Variants in GPR153 observed in about 807,000 individuals in gnomAD.
GPR153 encodes G protein-coupled receptor 153.
A neutral mutation model predicts 34.1 loss-of-function variants in GPR153; 27 were observed. The ratio of observed to expected loss-of-function variants is 0.79; its 90% CI spans 0.58 to 1.09. The LOEUF is 1.09. GPR153 is among the 50% of genes least tolerant of loss of function. The probability of loss-of-function intolerance (pLI) is 0.00; values close to 1 mark genes in which losing one functional copy is unlikely to be tolerated. For synonymous variants in GPR153, 408 were observed against 405.4 expected (o/e 1.01, Z -0.08); for missense variants, 848 against 860.2 (o/e 0.99, Z 0.18).
At position 6,249,509 on chromosome 1, in the gene GPR153, AGAGGGGCGTGGCCCT is replaced by A; in HGVS notation, c.1644_1658del (p.Gly549_Ser553del). 8.0e-7 allele frequency: 1 copy of A among 1,247,826 alleles called. No homozygotes were observed. Among genetic ancestry groups the A allele is most frequent in the South Asian group, 3.2e-5 (1 of 31,136 alleles). The allele number at this position is 1,247,826 out of a possible 1,614,324, so 77.3% of individuals were successfully genotyped here. A position where few individuals can be genotyped will look rare whatever the true frequency, so the allele number is the denominator to read the frequency against. ...GCAGAGAGCCGGCGTGCGAGTGCGC[AGAGGGGCGTGGCCCT>A]GGGCTCCGCTGGGCGCTGCTTGGGG... On this transcript the variant is annotated inframe_deletion, in exon 6 of 6. Transcript: ENST00000377893. This position sits in a 1 kb window ranked among gnomAD's most constrained non-coding sequence, Gnocchi z 4.3.
In GPR153 at chr1:6,251,406, C is replaced by G. The variant is rs199510270; in HGVS notation, c.911G>C (p.Arg304Pro). 3.1e-6 allele frequency: 5 copies of G among 1,613,564 alleles called. No individual in the cohort carries two copies. In the East Asian group the frequency reaches 1.1e-4, roughly 36 times the overall value. The change falls in exon 4 of 6, where the codon CGG (arginine) becomes CCG (proline). Residue 304 changes from arginine (R) to proline (P), a missense_variant. Transcript: ENST00000377893. The surrounding 1 kb of genome is among the most constrained non-coding windows in gnomAD (Gnocchi z 4.9). The stretch of plus-strand genomic sequence containing the variant: ...CTCCCGGACAGCTTTGAGGTCAGCC[C>G]GGTAGCGGTCGCAGGCCCAGAGGAA... The part of the protein sequence containing the change: ...PVFLWACDRY[R>P]ADLKAVREKC...
chr1:6,258,541 G>A (rs1638610141), intron 1 of GPR153, among the ~76,000 whole-genome samples: 1 of 152,232 alleles, frequency 6.6e-6, no homozygotes, highest in Non-Finnish European at 1.5e-5. Flanking sequence ...GTAGCCTCAG[G>A]AGTGAGGGGA....
chr1:6,254,788 T>C lies in GPR153; in HGVS notation c.118A>G (p.Lys40Glu). Residue 40 changes from lysine to glutamate, a missense_variant, in exon 2 of 6, where the codon AAG (lysine) becomes GAG (glutamate). Coordinates refer to ENST00000377893, the MANE Select transcript of GPR153 (RefSeq NM_207370.4). ...LSVGAKQKKW[K>E]PLEFLLCTLA... ...GTACACAGCAGGAACTCCAAGGGCT[T>C]CCACTTCTTCTGCTTGGCGCCAACG... The C allele has an allele frequency of 6.2e-7, 1 of 1,613,614 alleles. No individual in the cohort carries two copies. Among genetic ancestry groups the C allele is most frequent in the East Asian group, 2.2e-5 (1 of 44,862 alleles).
At position 6,251,060 on chromosome 1, in the gene GPR153, G is replaced by A. The variant is rs1181397193; in HGVS notation, c.979+278C>T. ...GTTGGGGGGTGAGCCCAGGAGCTCC[G>A]CTGGAGCACTTGCAGACATGTCTAC... On this transcript the variant is annotated intron_variant, in intron 4 of 5. Transcript: ENST00000377893. This position sits in a 1 kb window ranked among gnomAD's most constrained non-coding sequence, Gnocchi z 4.9. 1.3e-5 allele frequency among the ~76,000 whole-genome samples: 2 copies of A among 152,146 alleles called. No individual in the cohort carries two copies. Among genetic ancestry groups the A allele is most frequent in the East Asian group, 1.9e-4 (1 of 5,192 alleles).
At chr1:6,257,934 C>T (rs2100993598) in intron 1 of GPR153, among the ~76,000 whole-genome samples, 1 of 152,338 alleles carries the variant, frequency 6.6e-6, no homozygotes, top group South Asian at 2.1e-4. Flanking sequence ...ACCCAGGGGC[C>T]ATTTAGCCTC....
Position 6,249,792 on chromosome 1 carries a change from C to T in GPR153, c.1376G>A (p.Ser459Asn). 8.5e-7 allele frequency: 1 copy of T among 1,178,924 alleles called. No homozygotes were observed. The highest frequency in any genetic ancestry group is 1.0e-6 in the Non-Finnish European group (1 of 955,476). The allele number at this position is 1,178,924 out of a possible 1,614,324, so 73.0% of individuals were successfully genotyped here. A position where few individuals can be genotyped will look rare whatever the true frequency, so the allele number is the denominator to read the frequency against. Residue 459 changes from serine (S) to asparagine (N), a missense_variant, in exon 6 of 6, where the codon AGC (serine) becomes AAC (asparagine). Transcript: ENST00000377893. This position sits in a 1 kb window ranked among gnomAD's most constrained non-coding sequence, Gnocchi z 4.3. ...GGCCGAGGGCCGCAGCGACAGCAGG[C>T]TCTCGGCCGAGCGGCGGCGCGCGCG... ...PSRARRRSAE[S>N]LLSLRPSALD...
chr1:6,250,290 G>A (rs929304271), intron 5 of GPR153, 150 bp downstream of exon 5: 1 of 1,437,560 alleles, frequency 7.0e-7, no homozygotes, highest in Non-Finnish European at 9.1e-7. Context: ...CACACAAGCT[G>A]TGTGACCTTT....
chr1:6,251,631 G>A lies in GPR153; in HGVS notation c.787-101C>T, dbSNP rs2100986617. 7.8e-7 allele frequency: 1 copy of A among 1,274,530 alleles called. No individual in the cohort carries two copies. The highest frequency in any genetic ancestry group is 2.6e-5 in the East Asian group (1 of 38,482). 79.0% of individuals were successfully genotyped at this position (1,274,530 alleles called of 1,614,324 possible). On this transcript the variant is annotated intron_variant, in intron 3 of 5. Transcript: ENST00000377893. The surrounding 1 kb of genome is among the most constrained non-coding windows in gnomAD (Gnocchi z 4.9). ...CCCATGTGTACGGCAGGTCTGACAG[G>A]TGGGTATCTGCCAAGGAGAAGGGGC...
chr1:6,254,929 G>A lies in GPR153; in HGVS notation c.-24C>T, dbSNP rs373841031. The A allele has an allele frequency of 6.6e-5, 99 of 1,503,054 alleles. No homozygotes were observed. The highest frequency in any genetic ancestry group is 7.7e-5 in the Non-Finnish European group (86 of 1,124,174). 93.1% of individuals were successfully genotyped at this position (1,503,054 alleles called of 1,614,324 possible). A position where few individuals can be genotyped will look rare whatever the true frequency, so the allele number is the denominator to read the frequency against. Reference sequence around the variant, plus strand: ...ATGGTGCAGACCGGAGCTGGCAGGCGGCTGTGGCATCCTCCTTGGAGCCAG... The same window carrying A: ...ATGGTGCAGACCGGAGCTGGCAGGCAGCTGTGGCATCCTCCTTGGAGCCAG... On this transcript the variant is annotated 5_prime_UTR_variant, in exon 2 of 6. Coordinates refer to ENST00000377893, the MANE Select transcript of GPR153 (RefSeq NM_207370.4).
chr1:6,250,289 T>C lies in GPR153; in HGVS notation c.1164+151A>G, dbSNP rs535808002. On this transcript the variant is annotated intron_variant, in intron 5 of 5. Transcript: ENST00000377893. ...GCGGTTGGGGCCCACCCACACAAGCTGTGTGACCTTTGGACAGCCCGTCCT... is the reference window on the plus strand; with the variant it reads ...GCGGTTGGGGCCCACCCACACAAGCCGTGTGACCTTTGGACAGCCCGTCCT... The C allele has an allele frequency of 7.4e-5, 106 of 1,435,724 alleles. No individual in the cohort carries two copies. The African/African-American group carries it at 1.2e-3, about 16-fold the overall frequency. 88.9% of individuals were successfully genotyped at this position (1,435,724 alleles called of 1,614,324 possible).
chr1:6,258,563 C>T (rs1638610623), intron 1 of GPR153, among the ~76,000 whole-genome samples: 1 of 152,224 alleles, frequency 6.6e-6, no homozygotes, highest in Non-Finnish European at 1.5e-5. Flanking sequence ...CACTGGGCCA[C>T]CTCCAGCCTT....
In GPR153 at chr1:6,255,030, A is replaced by C; in HGVS notation, c.-109-16T>G. On this transcript the variant is annotated splice_polypyrimidine_tract_variant and intron_variant, in intron 1 of 5. Coordinates refer to ENST00000377893, the MANE Select transcript of GPR153 (RefSeq NM_207370.4). ...CCACGAGCATCTGTGGGGGGGTGGC[A>C]GTGGGCACTCAGTGACTTCCTCTCT... 1 of 633,100 alleles carries C rather than the reference A, an allele frequency of 1.6e-6. No individual in the cohort carries two copies. 39.2% of individuals were successfully genotyped at this position (633,100 alleles called of 1,614,324 possible).
chr1:6,253,658 G>A (rs1638496799), intron 3 of GPR153, 60 bp downstream of exon 3: 7 of 1,429,068 alleles, frequency 4.9e-6, no homozygotes, highest in Non-Finnish European at 5.7e-6. Flanking sequence ...GATGCCTGGA[G>A]TATGAGCAGC....
Position 6,260,216 on chromosome 1 carries a change from T to C in GPR153, c.-110+609A>G, listed in dbSNP as rs1484274427. Among the ~76,000 whole-genome samples, 9 of 151,796 alleles carry C rather than the reference T, an allele frequency of 5.9e-5. 1 individual carries two copies. Among genetic ancestry groups the C allele is most frequent in the Admixed American group, 4.6e-4 (7 of 15,282 alleles). On this transcript the variant is annotated intron_variant, in intron 1 of 5. Coordinates refer to ENST00000377893, the MANE Select transcript of GPR153 (RefSeq NM_207370.4). ...CCCGGGCTCTGGCTGCGCCCCGGCTTCCGCCCCCACGCCGGTCTCCGCCCG... is the reference window on the plus strand; with the variant it reads ...CCCGGGCTCTGGCTGCGCCCCGGCTCCCGCCCCCACGCCGGTCTCCGCCCG...
At position 6,250,707 on chromosome 1, in the gene GPR153, C is replaced by T; in HGVS notation, c.980-83G>A. 4.3e-6 allele frequency: 3 copies of T among 700,320 alleles called. No homozygotes were observed. In the South Asian group the frequency reaches 5.4e-5, roughly 13 times the overall value. 43.4% of individuals were successfully genotyped at this position (700,320 alleles called of 1,614,324 possible). On this transcript the variant is annotated intron_variant, in intron 4 of 5. Coordinates refer to ENST00000377893, the MANE Select transcript of GPR153 (RefSeq NM_207370.4). ...CATCTGGGAGGGAATCCCAGGGATC[C>T]CCCTGAGATCCCCCAACAGACATAT...
rs1012537941 is a variant in GPR153 at position 6,260,971 on chromosome 1, G to T, written c.-256C>A. 4 of 146,052 alleles carry T rather than the reference G, an allele frequency of 2.7e-5. No homozygotes were observed. The highest frequency in any genetic ancestry group is 9.8e-5 in the African/African-American group (4 of 40,726). 9.0% of individuals were successfully genotyped at this position (146,052 alleles called of 1,614,324 possible). A position where few individuals can be genotyped will look rare whatever the true frequency, so the allele number is the denominator to read the frequency against. ...GGCCCGCGGGCCGGGGCATGCTGGC[G>T]GCGGCCACCGGCGGCCGGCGCGCTC... On this transcript the variant is annotated 5_prime_UTR_variant, in exon 1 of 6. Coordinates refer to ENST00000377893, the MANE Select transcript of GPR153 (RefSeq NM_207370.4).
At position 6,249,858 on chromosome 1, in the gene GPR153, C is replaced by T. The variant is rs1034668003; in HGVS notation, c.1310G>A (p.Arg437His). Residue 437 changes from arginine (R) to histidine (H), a missense_variant, in exon 6 of 6, where the codon CGC becomes CAC. Coordinates refer to ENST00000377893, the MANE Select transcript of GPR153 (RefSeq NM_207370.4). This position sits in a 1 kb window ranked among gnomAD's most constrained non-coding sequence, Gnocchi z 4.3. ...CTCCGCGAAGGCCAGGAGGCTGGCG[C>T]GGCGCCGCTCGGGCCCGGCAGGCAG... ...LVLPAGPERRRASLLAFAEDA... is the reference protein window; with the variant it reads ...LVLPAGPERRHASLLAFAEDA... 2.8e-5 allele frequency: 35 copies of T among 1,267,584 alleles called. No homozygotes were observed. In the African/African-American group the frequency reaches 4.5e-4, roughly 16 times the overall value. The allele number at this position is 1,267,584 out of a possible 1,614,324, so 78.5% of individuals were successfully genotyped here. A position where few individuals can be genotyped will look rare whatever the true frequency, so the allele number is the denominator to read the frequency against.
intron 1 of GPR153, among the ~76,000 whole-genome samples, chr1:6,257,366 G>C (rs1638589059): frequency 6.6e-6 from 1 of 152,188 alleles, no homozygotes; most frequent in Admixed American, 6.5e-5. Context: ...CCACCTTCCT[G>C]ACCACCCTGA....
chr1:6,257,950 C>T (rs1638598849), intron 1 of GPR153, among the ~76,000 whole-genome samples: 1 of 152,230 alleles, frequency 6.6e-6, no homozygotes, highest in Admixed American at 6.5e-5. Flanking sequence ...GCCTCATTTG[C>T]TCTCTTTCTC....
Sources: allele counts gnomAD v4.1 joint callset (sites outside exome capture counted in the v4.1 genomes callset), GRCh38; gene constraint gnomAD v4.1.1; non-coding constraint Gnocchi (gnomAD v3.1); transcripts MANE v1.5; gene names NCBI Gene and HGNC (gene_info 2026-07-23, HGNC 2026-07-21).